CORO7: variants seen among roughly 807,000 people sequenced by gnomAD.
The protein encoded by CORO7 is coronin 7, also known as coronin-7.
Under a neutral mutation model 126.6 loss-of-function variants are expected in CORO7, and 107 were observed. That is an observed-to-expected ratio of 0.85 (90% CI 0.72 to 0.99). CORO7 has a LOEUF of 0.99. CORO7 is among the 50% of genes least tolerant of loss of function. CORO7 has a pLI of 0.00. For missense variants in CORO7, 1,314 were observed against 1,255.8 expected (o/e 1.05, Z -0.70); for synonymous variants, 603 against 536.8 (o/e 1.12, Z -1.70).
rs1311192522 is a variant in CORO7, at chr16:4,382,564, C to T, written c.785+5422G>A. 5.0e-6 allele frequency: 8 copies of T among 1,593,246 alleles called. No individual in the cohort carries two copies. The highest frequency in any genetic ancestry group is 6.0e-6 in the Non-Finnish European group (7 of 1,171,336). ...TACACCCCCAGCCGTCCACTCCAACCACGCCCCAGTCACCCAGGCCCGCGA... is the reference window on the plus strand; with the variant it reads ...TACACCCCCAGCCGTCCACTCCAACTACGCCCCAGTCACCCAGGCCCGCGA... On this transcript the variant is annotated intron_variant, in intron 9 of 27. Transcript: ENST00000251166.
chr16:4,406,990 C>A (rs776443187), intron 5 of CORO7, among the ~76,000 whole-genome samples: 89 of 149,362 alleles, frequency 6.0e-4, no homozygotes, highest in Non-Finnish European at 5.8e-4. Context: ...CTCTGTCACC[C>A]AGGCTGGAGC....
In CORO7 at chr16:4,402,241, T is replaced by TTTG. The variant is rs148154433; in HGVS notation, c.564+3247_564+3249dup. 1.6e-3 allele frequency among the ~76,000 whole-genome samples: 231 copies of TTTG among 144,640 alleles called. 2 individuals carry two copies. Among genetic ancestry groups the TTTG allele is most frequent in the African/African-American group, 5.1e-3 (199 of 38,976 alleles). 94.9% of individuals were successfully genotyped at this position (144,640 alleles called of 152,430 possible). A position where few individuals can be genotyped will look rare whatever the true frequency, so the allele number is the denominator to read the frequency against. Reference sequence around the variant, plus strand: ...GCGTGAGCCACTGCACCCGGCCAGTTTTGTTGTTGTTGTTGTTGTTGTTGT... The same window carrying TTTG: ...GCGTGAGCCACTGCACCCGGCCAGTTTTGTTGTTGTTGTTGTTGTTGTTGTTGT... On this transcript the variant is annotated intron_variant, in intron 6 of 27. Transcript: ENST00000251166.
chr16:4,384,836 C>T (rs993657580), intron 9 of CORO7, among the ~76,000 whole-genome samples: 2 of 152,214 alleles, frequency 1.3e-5, no homozygotes, highest in Non-Finnish European at 2.9e-5. Flanking sequence ...TGCGGCCAGG[C>T]CTGCCTCCCC....
At chr16:4,403,144 G>A (rs1050613118) in intron 6 of CORO7, among the ~76,000 whole-genome samples, 3 of 152,048 alleles carry the variant, frequency 2.0e-5, no homozygotes, top group African/African-American at 4.8e-5. Flanking sequence ...CTGCAAAGAG[G>A]GGCTCACGCT....
chr16:4,408,202 G>A lies in CORO7; in HGVS notation c.282C>T (p.Ala94=). The A allele has an allele frequency of 1.2e-6, 2 of 1,614,230 alleles. No individual in the cohort carries two copies. Among genetic ancestry groups the A allele is most frequent in the Non-Finnish European group, 1.7e-6 (2 of 1,180,048 alleles). Residue 94 remains alanine (A), a synonymous_variant, in exon 4 of 28, where the codon GCC becomes GCT. Coordinates refer to ENST00000251166, the MANE Select transcript of CORO7 (RefSeq NM_024535.5). ...TCACCGTCCTGTCAGCCGAGCCTGT[G>A]GCCAGGAGGAAGTCATCAAAGGGCG... ...DFSPFDDFLL[A]TGSADRTVKL...
chr16:4,365,570 G>C (rs1165890549), intron 9 of CORO7, 25 bp from the exon 10 acceptor site: 1 of 1,566,764 alleles, frequency 6.4e-7, no homozygotes, highest in South Asian at 1.2e-5. Flanking sequence ...GCAAGATGGC[G>C]GGTCAGGGCA....
intron 7 of CORO7, among the ~76,000 whole-genome samples, chr16:4,393,965 G>A (rs1407144425): frequency 6.6e-6 from 1 of 152,004 alleles, no homozygotes. Flanking sequence ...GCCGGGCATG[G>A]TGGCGGGCAC....
chr16:4,410,163 G>A (rs1314583509), intron 3 of CORO7, among the ~76,000 whole-genome samples: 1 of 152,190 alleles, frequency 6.6e-6, no homozygotes, highest in African/African-American at 2.4e-5. Flanking sequence ...ATTGGCTCAT[G>A]CCTATAATCT....
intron 4 of CORO7, among the ~76,000 whole-genome samples, chr16:4,407,910 G>C (rs1488790348): frequency 1.3e-5 from 2 of 152,212 alleles, no homozygotes; most frequent in African/African-American, 4.8e-5. Flanking sequence ...ACCACACGGT[G>C]TGGTCCCAGA....
At position 4,371,039 on chromosome 16, in the gene CORO7, C is replaced by T. The variant is rs530742345; in HGVS notation, c.786-5494G>A. On this transcript the variant is annotated intron_variant, in intron 9 of 27. Transcript: ENST00000251166. ...CTGGACTAGTCCGGCCCCTGGCACC[C>T]GCCCCTCCTGCCCAATCAAGGGCCA... is the stretch of plus-strand genomic sequence containing the variant. Among the ~76,000 whole-genome samples the T allele has an allele frequency of 7.2e-5, 11 of 152,336 alleles. No homozygotes were observed. The South Asian group carries it at 8.3e-4, about 11-fold the overall frequency.
intron 9 of CORO7, among the ~76,000 whole-genome samples, chr16:4,368,837 G>C (rs1335620626): frequency 6.6e-6 from 1 of 152,078 alleles, no homozygotes; most frequent in African/African-American, 2.4e-5. Context: ...GATAGGACCA[G>C]ACTGGCACAG....
chr16:4,386,963 C>G (rs1047600208), intron 9 of CORO7, among the ~76,000 whole-genome samples: 2 of 152,224 alleles, frequency 1.3e-5, no homozygotes, highest in African/African-American at 4.8e-5. Flanking sequence ...AGAGCCTGGA[C>G]AGGTCACTGT....
intron 9 of CORO7, chr16:4,381,584 G>C (rs756788083): frequency 1.9e-6 from 3 of 1,603,202 alleles, no homozygotes; most frequent in Admixed American, 1.7e-5. Flanking sequence ...CCTGTGATCC[G>C]AGGCCTCCGG....
At chr16:4,357,862 C>T in intron 25 of CORO7, 106 bp downstream of exon 25, 1 of 1,508,820 alleles carries the variant, frequency 6.6e-7, no homozygotes, top group Non-Finnish European at 8.9e-7. Context: ...CTCCCAAAGG[C>T]CAGAGGATTC....
Position 4,355,723 on chromosome 16 carries a change from C to T in CORO7, c.2686-351G>A, listed in dbSNP as rs113269209. On this transcript the variant is annotated intron_variant, in intron 26 of 27. Transcript: ENST00000251166. ...TGACCTCGTGATCCGCCCGCCTCGGCCTCCCACGGTGCTGGGATTACAGGC... is the reference window on the plus strand; with the variant it reads ...TGACCTCGTGATCCGCCCGCCTCGGTCTCCCACGGTGCTGGGATTACAGGC... The T allele has an allele frequency of 1.0e-3, 249 of 240,056 alleles. 3 individuals carry two copies. Among genetic ancestry groups the T allele is most frequent in the African/African-American group, 5.4e-3 (243 of 44,986 alleles). 14.9% of individuals were successfully genotyped at this position (240,056 alleles called of 1,614,324 possible). A position where few individuals can be genotyped will look rare whatever the true frequency, so the allele number is the denominator to read the frequency against.
At chr16:4,371,851 T>TCCGGAG (rs1399997131) in intron 9 of CORO7, 7 of 151,936 alleles carry the variant, frequency 4.6e-5, no homozygotes, top group African/African-American at 1.2e-4. Context: ...GCGAGCCGAC[T>TCCGGAG]CCGGAGCCCG....
rs371031256 is a variant in CORO7, at chr16:4,362,629, G to A, written c.1385C>T (p.Ser462Leu). ...SGIGTSPSLRSLQSLLGPSSK... is the reference protein window; with the variant it reads ...SGIGTSPSLRLLQSLLGPSSK... The stretch of plus-strand genomic sequence containing the variant: ...CTCCTTACCCAGCAGGCTCTGCAGC[G>A]ACCTCAAACTGGGGCTGGTCCCGAT... The change falls in exon 15 of 28, where the codon TCG (serine) becomes TTG (leucine). Residue 462 changes from serine to leucine, a missense_variant. Physicochemically the swap from Ser to Leu is moderately radical, Grantham distance 145 (BLOSUM62 -2). Transcript: ENST00000251166. This position sits in a 1 kb window ranked among gnomAD's most constrained non-coding sequence, Gnocchi z 5.3. 39 of 1,561,234 alleles carry A rather than the reference G, an allele frequency of 2.5e-5. No individual in the cohort carries two copies. In the Admixed American group the frequency reaches 2.5e-4, roughly 10 times the overall value.
intron 7 of CORO7, among the ~76,000 whole-genome samples, chr16:4,394,578 C>T (rs2055517519): frequency 1.3e-5 from 2 of 152,242 alleles, no homozygotes; most frequent in South Asian, 4.1e-4. Context: ...TATGTCTGCC[C>T]CCTTGGCATT....
chr16:4,360,813 C>A, intron 19 of CORO7, 130 bp downstream of exon 19: 1 of 1,497,166 alleles, frequency 6.7e-7, no homozygotes, highest in Non-Finnish European at 8.9e-7. Flanking sequence ...CTGCTGGCCC[C>A]ACCCCTCCTC....
Sources: gnomAD v4.1 joint callset for allele counts (sites outside exome capture counted in the v4.1 genomes callset) on GRCh38, gnomAD v4.1.1 for gene constraint, Gnocchi (gnomAD v3.1) non-coding constraint, MANE v1.5 for transcripts, NCBI Gene and HGNC (gene_info 2026-07-23, HGNC 2026-07-21) for gene names.